ERBB4: variants seen among roughly 807,000 people sequenced by gnomAD.
ERBB4 encodes the protein receptor tyrosine-protein kinase erbB-4.
ERBB4 carries 42 observed loss-of-function variants against 158.0 expected under a neutral mutation model. The observed-to-expected ratio is 0.27, with a 90% CI of 0.21 to 0.34. ERBB4 has a LOEUF of 0.34. ERBB4 is among the 10% of genes least tolerant of loss of function. ERBB4 has a pLI of 1.00. For missense variants in ERBB4, 1,333 were observed against 1,624.1 expected (o/e 0.82, Z 3.08); for synonymous variants, 583 against 558.7 (o/e 1.04, Z -0.61).
At chr2:212,047,524 G>C (rs1420872986) in intron 2 of ERBB4, among the ~76,000 whole-genome samples, 1 of 151,754 alleles carries the variant, frequency 6.6e-6, no homozygotes, top group Non-Finnish European at 1.5e-5. Flanking sequence ...CCAGGCTAGA[G>C]AGCAGTGGCT....
intron 1 of ERBB4, among the ~76,000 whole-genome samples, chr2:212,428,171 G>T (rs1469637488): frequency 6.6e-6 from 1 of 151,948 alleles, no homozygotes; most frequent in Non-Finnish European, 1.5e-5. Flanking sequence ...CATACAAATT[G>T]GGCATGAATT....
chr2:211,738,326 T>C lies in ERBB4; in HGVS notation c.622+12313A>G, dbSNP rs62182997. Among the ~76,000 whole-genome samples the C allele has an allele frequency of 7.2e-3, 1,095 of 151,612 alleles. 6 individuals carry two copies. Among genetic ancestry groups the C allele is most frequent in the Middle Eastern group, 0.017 (5 of 286 alleles). Reference sequence around the variant, plus strand: ...TTAAAAATACAAAACTATACTTAACTATAATGCAGTTAAAGTAATTTTTCC... The same window carrying C: ...TTAAAAATACAAAACTATACTTAACCATAATGCAGTTAAAGTAATTTTTCC... On this transcript the variant is annotated intron_variant, in intron 5 of 27. Coordinates refer to ENST00000342788, the MANE Select transcript of ERBB4 (RefSeq NM_005235.3).
chr2:212,422,824 C>T (rs1172955695), intron 1 of ERBB4, among the ~76,000 whole-genome samples: 2 of 152,090 alleles, frequency 1.3e-5, no homozygotes, highest in Admixed American at 6.5e-5. Flanking sequence ...CAAATTAAAA[C>T]ATTAAAAAGA....
At chr2:211,669,588 T>C (rs2071761905) in intron 14 of ERBB4, among the ~76,000 whole-genome samples, 2 of 152,096 alleles carry the variant, frequency 1.3e-5, no homozygotes, top group South Asian at 4.1e-4. Context: ...AAAAATTAAA[T>C]AAAATATAGA....
At chr2:212,118,876 A>G (rs1366014944) in intron 2 of ERBB4, among the ~76,000 whole-genome samples, 1 of 152,020 alleles carries the variant, frequency 6.6e-6, no homozygotes, top group East Asian at 1.9e-4. Context: ...GAGAGAAGTT[A>G]TCTTTTTTAA....
chr2:211,732,912 G>C (rs1310080043), intron 5 of ERBB4, among the ~76,000 whole-genome samples: 3 of 152,176 alleles, frequency 2.0e-5, no homozygotes, highest in Admixed American at 1.3e-4. Flanking sequence ...GGGAGGCGGA[G>C]GTTGCAGTGA....
At chr2:212,192,368 C>T (rs2082300251) in intron 1 of ERBB4, among the ~76,000 whole-genome samples, 1 of 151,430 alleles carries the variant, frequency 6.6e-6, no homozygotes, top group Non-Finnish European at 1.5e-5. Context: ...ACAGCAATTC[C>T]TCAGTTTTCA....
At chr2:211,644,352 A>G (rs1214102212) in intron 16 of ERBB4, among the ~76,000 whole-genome samples, 3 of 152,052 alleles carry the variant, frequency 2.0e-5, no homozygotes, top group Non-Finnish European at 4.4e-5. Context: ...ACACATTTCT[A>G]ATTATGGGGA....
At chr2:211,452,285 C>T (rs1216068312) in intron 20 of ERBB4, among the ~76,000 whole-genome samples, 1 of 152,142 alleles carries the variant, frequency 6.6e-6, no homozygotes, top group Non-Finnish European at 1.5e-5. Context: ...TCAAGCGATT[C>T]TCCTGCCTCA....
intron 19 of ERBB4, among the ~76,000 whole-genome samples, chr2:211,599,511 T>TTGTGTGTGTGTGTGTGTGTGTGTGTGTG (rs201810389): frequency 4.8e-3 from 101 of 20,836 alleles, no homozygotes; most frequent in African/African-American, 6.2e-3. Flanking sequence ...AAATAATTTC[T>TTGTGTGTGTGTGTGTGTGTGTGTGTGTG]TCTGTGTGTG....
intron 2 of ERBB4, among the ~76,000 whole-genome samples, chr2:212,013,722 A>G (rs1379770307): frequency 4.6e-5 from 7 of 152,180 alleles, no homozygotes; most frequent in African/African-American, 1.7e-4. Context: ...TAGAAGAGGC[A>G]AGGTTTCTTC....
At chr2:212,065,668 G>C (rs1175559544) in intron 2 of ERBB4, among the ~76,000 whole-genome samples, 1 of 151,982 alleles carries the variant, frequency 6.6e-6, no homozygotes, top group Non-Finnish European at 1.5e-5. Context: ...GAAACTGTGT[G>C]AAAATGTCTA....
chr2:211,720,741 C>T (rs191262870), intron 7 of ERBB4, among the ~76,000 whole-genome samples: 1 of 152,176 alleles, frequency 6.6e-6, no homozygotes, highest in East Asian at 1.9e-4. Flanking sequence ...CAGCATAGAA[C>T]AGTTTATCCT....
chr2:211,861,363 T>TTTTTTG (rs2078050482), intron 3 of ERBB4, among the ~76,000 whole-genome samples: 4 of 99,768 alleles, frequency 4.0e-5, no homozygotes, highest in Non-Finnish European at 5.8e-5. Flanking sequence ...TTTTTTTTTT[T>TTTTTTG]TTTTTTACTT....
intron 19 of ERBB4, among the ~76,000 whole-genome samples, chr2:211,612,478 G>T (rs1486288529): frequency 5.3e-5 from 8 of 151,836 alleles, no homozygotes; most frequent in African/African-American, 1.7e-4. Context: ...TAGAAATCAG[G>T]AAAGGGCTCT....
chr2:212,426,190 G>T lies in ERBB4; in HGVS notation c.82+112259C>A, dbSNP rs139001450. 16 of 464,492 alleles carry T rather than the reference G, an allele frequency of 3.4e-5. No individual in the cohort carries two copies. In the East Asian group the frequency reaches 7.4e-4, roughly 22 times the overall value. The allele number at this position is 464,492 out of a possible 1,614,324, so 28.8% of individuals were successfully genotyped here. On this transcript the variant is annotated intron_variant, in intron 1 of 27. Coordinates refer to ENST00000342788, the MANE Select transcript of ERBB4 (RefSeq NM_005235.3). ...AATGTGATATCACTCTTTATAGAAGGCTCCAAGCAAATCTGAGAATAAGTT... is the reference window on the plus strand; with the variant it reads ...AATGTGATATCACTCTTTATAGAAGTCTCCAAGCAAATCTGAGAATAAGTT...
At chr2:212,215,988 A>C (rs1320866392) in intron 1 of ERBB4, among the ~76,000 whole-genome samples, 4 of 151,398 alleles carry the variant, frequency 2.6e-5, no homozygotes, top group African/African-American at 7.3e-5. Flanking sequence ...AACTTAAATC[A>C]GTTTCTCTTT....
chr2:211,818,924 C>T (rs532212628), intron 3 of ERBB4, among the ~76,000 whole-genome samples: 10 of 152,136 alleles, frequency 6.6e-5, no homozygotes, highest in African/African-American at 2.4e-4. Context: ...AAAATGTCTG[C>T]TCTAAAATAA....
intron 2 of ERBB4, among the ~76,000 whole-genome samples, chr2:212,078,828 G>C (rs2078349075): frequency 6.6e-6 from 1 of 150,822 alleles, no homozygotes; most frequent in Non-Finnish European, 1.5e-5. Context: ...ATTACTAATA[G>C]TTTATAACAC....
Sources: gnomAD v4.1 joint callset for allele counts (sites outside exome capture counted in the v4.1 genomes callset) on GRCh38, gnomAD v4.1.1 for gene constraint, MANE v1.5 for transcripts, NCBI Gene and HGNC (gene_info 2026-07-23, HGNC 2026-07-21) for gene names.